The following PRKN variants were observed in gnomAD, a reference collection of about 807,000 sequenced individuals.
The protein encoded by PRKN is E3 ubiquitin-protein ligase parkin.
In PRKN, 56 loss-of-function variants were observed where a neutral mutation model predicts 59.5. The observed-to-expected ratio is 0.94, with a 90% CI of 0.76 to 1.18. The LOEUF (loss-of-function observed/expected upper bound fraction) is 1.18. PRKN is among the 50% of genes most tolerant of loss of function. PRKN has a pLI of 0.00. For missense variants in PRKN, 657 were observed against 596.4 expected (o/e 1.10, Z -1.06); for synonymous variants, 250 against 222.1 (o/e 1.13, Z -1.12).
At position 162,461,498 on chromosome 6, in the gene PRKN, T is replaced by TC. The variant is rs1330117542; in HGVS notation, c.8-18026dup. Among the ~76,000 whole-genome samples the TC allele has an allele frequency of 2.7e-4, 2 of 7,410 alleles. 1 individual carries two copies. The highest frequency in any genetic ancestry group is 7.8e-3 in the East Asian group (2 of 258). 4.9% of individuals were successfully genotyped at this position (7,410 alleles called of 152,430 possible). ...GCCTGGAGGACAGAGTTAAAGTGTCTCAAAAAAAAAAAAAAAAAAAAAAAA... is the reference window on the plus strand; with the variant it reads ...GCCTGGAGGACAGAGTTAAAGTGTCTCCAAAAAAAAAAAAAAAAAAAAAAAA... On this transcript the variant is annotated intron_variant, in intron 1 of 11. Coordinates refer to ENST00000366898, the MANE Select transcript of PRKN (RefSeq NM_004562.3).
intron 5 of PRKN, among the ~76,000 whole-genome samples, chr6:162,045,279 C>A (rs1784209517): frequency 6.6e-6 from 1 of 152,180 alleles, no homozygotes; most frequent in African/African-American, 2.4e-5. Context: ...TAAAAACGAT[C>A]TTTTGCTTTT....
At chr6:161,450,819 T>G (rs1789706992) in intron 9 of PRKN, among the ~76,000 whole-genome samples, 1 of 152,192 alleles carries the variant, frequency 6.6e-6, no homozygotes, top group Non-Finnish European at 1.5e-5. Flanking sequence ...CCTCCCAAAG[T>G]GCTGGGATTA....
rs115004709 is a variant in PRKN at position 162,309,820 on chromosome 6, C to T, written c.172-47055G>A. Among the ~76,000 whole-genome samples, 384 of 152,130 alleles carry T rather than the reference C, an allele frequency of 2.5e-3. 2 individuals are homozygous for T. Among genetic ancestry groups the T allele is most frequent in the African/African-American group, 8.6e-3 (358 of 41,484 alleles). On this transcript the variant is annotated intron_variant, in intron 2 of 11. Coordinates refer to ENST00000366898, the MANE Select transcript of PRKN (RefSeq NM_004562.3). ...ATTACTTCATCACCCAGGTATTAAG[C>T]CAAGTATCTATTAGTTATTTTTCTT...
rs60339454 is a variant in PRKN, at chr6:162,411,408, C to T, written c.171+31902G>A. The stretch of plus-strand genomic sequence containing the variant: ...CACTTAGACAGCACAGTATAAGAAA[C>T]AAGGAATGTTAAATGAAGCTTAACA... On this transcript the variant is annotated intron_variant, in intron 2 of 11. Transcript: ENST00000366898. Among the ~76,000 whole-genome samples, 609 of 152,240 alleles carry T rather than the reference C, an allele frequency of 4.0e-3. 7 individuals are homozygous for T. The highest frequency in any genetic ancestry group is 0.014 in the African/African-American group (584 of 41,548).
chr6:161,544,112 T>A lies in PRKN; in HGVS notation c.1083+4742A>T, dbSNP rs1377124464. ...GCTGCGTTCTATCTATGTAAAAATA[T>A]TCTGTGCTGAGTCAAAACTGAAATC... On this transcript the variant is annotated intron_variant, in intron 9 of 11. Coordinates refer to ENST00000366898, the MANE Select transcript of PRKN (RefSeq NM_004562.3). The surrounding 1 kb of genome is among the most constrained non-coding windows in gnomAD (Gnocchi z 5.5). Among the ~76,000 whole-genome samples, 1 of 152,190 alleles carries A rather than the reference T, an allele frequency of 6.6e-6. No individual in the cohort carries two copies. Among genetic ancestry groups the A allele is most frequent in the East Asian group, 1.9e-4 (1 of 5,202 alleles).
chr6:161,710,265 A>G (rs1786681928), intron 7 of PRKN, among the ~76,000 whole-genome samples: 1 of 152,150 alleles, frequency 6.6e-6, no homozygotes. Flanking sequence ...CTGACTTACT[A>G]TGGTATGCCT....
In PRKN at chr6:161,938,321, T is replaced by A. The variant is rs551741316; in HGVS notation, c.734+34981A>T. On this transcript the variant is annotated intron_variant, in intron 6 of 11. Transcript: ENST00000366898. ...TCAAGAGAGTTTACCCAAATTTACA[T>A]GTTATACAGGTATAACCTAGTAAAG... Among the ~76,000 whole-genome samples the A allele has an allele frequency of 1.6e-4, 25 of 152,350 alleles. No homozygotes were observed. In the South Asian group the frequency reaches 5.2e-3, roughly 32 times the overall value.
chr6:161,848,374 T>C (rs1793285920), intron 6 of PRKN, among the ~76,000 whole-genome samples: 1 of 152,198 alleles, frequency 6.6e-6, no homozygotes, highest in Non-Finnish European at 1.5e-5. Flanking sequence ...TTCTCTACCT[T>C]CATGTATTAT....
At chr6:162,479,768 T>TTTTTC (rs1274164497) in intron 1 of PRKN, among the ~76,000 whole-genome samples, 1 of 151,278 alleles carries the variant, frequency 6.6e-6, no homozygotes, top group Non-Finnish European at 1.5e-5. Context: ...TTTTTTTTTC[T>TTTTTC]CAAAAATAAT....
At chr6:162,166,506 C>T (rs574218988) in intron 4 of PRKN, among the ~76,000 whole-genome samples, 3 of 152,194 alleles carry the variant, frequency 2.0e-5, no homozygotes, top group Admixed American at 6.5e-5. Flanking sequence ...AACATTCCAC[C>T]GGATATAAAA....
intron 4 of PRKN, among the ~76,000 whole-genome samples, chr6:162,161,233 A>C (rs980087614): frequency 6.6e-6 from 1 of 152,172 alleles, no homozygotes; most frequent in Non-Finnish European, 1.5e-5. Context: ...GATCCCCAGA[A>C]ATCTAGGTCA....
Position 162,727,694 on chromosome 6 carries a change from G to T in PRKN, c.-26C>A. 1 of 1,568,658 alleles carries T rather than the reference G, an allele frequency of 6.4e-7. No homozygotes were observed. Among genetic ancestry groups the T allele is most frequent in the Non-Finnish European group, 8.6e-7 (1 of 1,158,018 alleles). On this transcript the variant is annotated 5_prime_UTR_variant, in exon 1 of 12. Transcript: ENST00000366898. ...GGTCACTGGGTAGGTGGCGGCTGCG[G>T]GCCAGGAACAGGCCCATGCGCGCAG...
At chr6:162,328,854 G>A (rs2128124154) in intron 2 of PRKN, among the ~76,000 whole-genome samples, 1 of 152,244 alleles carries the variant, frequency 6.6e-6, no homozygotes, top group African/African-American at 2.4e-5. Flanking sequence ...CCAGAGAGCA[G>A]GGGGGTGGTA....
At chr6:161,746,154 C>T (rs548146204) in intron 7 of PRKN, among the ~76,000 whole-genome samples, 2 of 152,280 alleles carry the variant, frequency 1.3e-5, no homozygotes, top group Admixed American at 6.5e-5. Flanking sequence ...CCTGGGTGCC[C>T]GAGTAATTTC....
chr6:161,701,969 A>G (rs371167736), intron 7 of PRKN, among the ~76,000 whole-genome samples: 60 of 152,346 alleles, frequency 3.9e-4, no homozygotes, highest in African/African-American at 1.4e-3. Context: ...CAGCCACGGA[A>G]GTAGTGCCAA....
At chr6:162,553,461 A>C (rs1436197108) in intron 1 of PRKN, among the ~76,000 whole-genome samples, 1 of 150,546 alleles carries the variant, frequency 6.6e-6, no homozygotes, top group Non-Finnish European at 1.5e-5. Context: ...ATACCTCAGG[A>C]AACCGGGTAC....
chr6:162,329,098 A>G (rs781667330), intron 2 of PRKN, among the ~76,000 whole-genome samples: 2 of 152,214 alleles, frequency 1.3e-5, no homozygotes, highest in Non-Finnish European at 2.9e-5. Flanking sequence ...TTAACTTCCT[A>G]AATATAATGG....
At chr6:161,775,165 C>T (rs1310533538) in intron 7 of PRKN, among the ~76,000 whole-genome samples, 1 of 152,066 alleles carries the variant, frequency 6.6e-6, no homozygotes, top group Non-Finnish European at 1.5e-5. Context: ...TGCCAAATTG[C>T]TTTATGGAAA....
At chr6:161,989,292 C>G (rs1240234981) in intron 5 of PRKN, among the ~76,000 whole-genome samples, 1 of 152,156 alleles carries the variant, frequency 6.6e-6, no homozygotes, top group Non-Finnish European at 1.5e-5. Flanking sequence ...CATCCAGGGC[C>G]TGGGGATCAA....
Sources: allele counts gnomAD v4.1 joint callset (sites outside exome capture counted in the v4.1 genomes callset), GRCh38; gene constraint gnomAD v4.1.1; non-coding constraint Gnocchi (gnomAD v3.1); transcripts MANE v1.5; gene names NCBI Gene and HGNC (gene_info 2026-07-23, HGNC 2026-07-21).